Variants in CLNK observed in about 807,000 individuals in gnomAD.
The protein encoded by CLNK is cytokine dependent hematopoietic cell linker, also known as cytokine-dependent hematopoietic cell linker.
Under a neutral mutation model 68.6 loss-of-function variants are expected in CLNK, and 74 were observed. The observed-to-expected ratio is 1.08, with a 90% CI of 0.89 to 1.31. The LOEUF is 1.31. Ranked by LOEUF, CLNK falls within the 50% of genes most tolerant of loss-of-function variation. CLNK has a pLI of 0.00. For synonymous variants in CLNK, 198 were observed against 172.2 expected (o/e 1.15, Z -1.17); for missense variants, 553 against 515.3 (o/e 1.07, Z -0.71).
At chr4:10,629,144 C>T (rs61796791) in intron 2 of CLNK, among the ~76,000 whole-genome samples, 6,259 of 152,274 alleles carry the variant, frequency 0.041, 189 homozygotes, top group Middle Eastern at 0.099. Flanking sequence ...AACTTCTGCG[C>T]CTCATTGAGG....
chr4:10,565,521 C>T (rs1720072137), intron 6 of CLNK, among the ~76,000 whole-genome samples: 1 of 152,214 alleles, frequency 6.6e-6, no homozygotes. Context: ...GCTTTGCTGC[C>T]ATGCCCTGCT....
At chr4:10,503,772 CTTTTTTTTT>C (rs869102696) in intron 17 of CLNK, among the ~76,000 whole-genome samples, 5 of 63,288 alleles carry the variant, frequency 7.9e-5, no homozygotes, top group South Asian at 1.1e-3. Flanking sequence ...CATTTAGAGA[CTTTTTTTTT>C]TTTTTTTTTT....
At chr4:10,572,308 C>A (rs139719221) in intron 4 of CLNK, among the ~76,000 whole-genome samples, 1 of 152,224 alleles carries the variant, frequency 6.6e-6, no homozygotes, top group South Asian at 2.1e-4. Flanking sequence ...CCGTATTGAA[C>A]AATTGAGTTA....
At chr4:10,624,514 G>A (rs1722587054) in intron 2 of CLNK, among the ~76,000 whole-genome samples, 1 of 150,830 alleles carries the variant, frequency 6.6e-6, no homozygotes, top group South Asian at 2.1e-4. Context: ...GGATGGTCTC[G>A]ATCTCCTGAC....
intron 2 of CLNK, among the ~76,000 whole-genome samples, chr4:10,631,972 G>A (rs370055836): frequency 3.9e-5 from 6 of 152,142 alleles, no homozygotes; most frequent in South Asian, 2.1e-4. Flanking sequence ...CTCAAGGTGC[G>A]CATTACCTGA....
chr4:10,489,116 G>A lies in CLNK; in HGVS notation c.*1351C>T, dbSNP rs955465943. 9 of 151,532 alleles carry A rather than the reference G, an allele frequency of 5.9e-5. No individual in the cohort carries two copies. The highest frequency in any genetic ancestry group is 2.2e-4 in the African/African-American group (9 of 41,166). The allele number at this position is 151,532 out of a possible 1,614,324, so 9.4% of individuals were successfully genotyped here. A position where few individuals can be genotyped will look rare whatever the true frequency, so the allele number is the denominator to read the frequency against. ...CAACTTGATTGTAAAATGTCACAGC[G>A]CAGAGAATGTACCTGGGAAGATGAG... is the stretch of plus-strand genomic sequence containing the variant. On this transcript the variant is annotated 3_prime_UTR_variant, in exon 19 of 19. Coordinates refer to ENST00000226951, the MANE Select transcript of CLNK (RefSeq NM_052964.4).
At chr4:10,589,848 G>T (rs1470785299) in intron 3 of CLNK, among the ~76,000 whole-genome samples, 21 of 152,216 alleles carry the variant, frequency 1.4e-4, no homozygotes, top group African/African-American at 5.1e-4. Flanking sequence ...CTCTATCTGT[G>T]CTCAAGCAAG....
At chr4:10,651,948 A>G (rs1184845583) in intron 2 of CLNK, among the ~76,000 whole-genome samples, 1 of 151,918 alleles carries the variant, frequency 6.6e-6, no homozygotes, top group Non-Finnish European at 1.5e-5. Flanking sequence ...AGAAAAATAC[A>G]CATACATATA....
chr4:10,538,033 T>C (rs1718867677), intron 11 of CLNK, among the ~76,000 whole-genome samples: 2 of 152,176 alleles, frequency 1.3e-5, no homozygotes, highest in South Asian at 4.1e-4. Flanking sequence ...ATACTGTTCT[T>C]TCCAGCATGA....
At chr4:10,702,392 GA>G in the CLNK span, among the ~76,000 whole-genome samples, 6 of 152,164 alleles carry the variant, frequency 3.9e-5, no homozygotes, top group South Asian at 2.1e-4. Flanking sequence ...TGGGCTGAAG[GA>G]AACACCTAAG....
chr4:10,581,169 G>A (rs555888830), intron 4 of CLNK, among the ~76,000 whole-genome samples: 7 of 152,136 alleles, frequency 4.6e-5, no homozygotes, highest in Non-Finnish European at 1.0e-4. Flanking sequence ...AATAGACCAT[G>A]CTATATGGCC....
At chr4:10,613,155 G>C (rs1722097253) in intron 2 of CLNK, among the ~76,000 whole-genome samples, 1 of 152,136 alleles carries the variant, frequency 6.6e-6, no homozygotes, top group Admixed American at 6.5e-5. Flanking sequence ...AACAATAACA[G>C]TAAACAGAAT....
intron 11 of CLNK, among the ~76,000 whole-genome samples, chr4:10,537,684 TTCCTTC>T (rs1560206916): frequency 5.1e-5 from 3 of 58,964 alleles, no homozygotes; most frequent in African/African-American, 6.6e-5. Context: ...TCTTTCTTCC[TTCCTTC>T]CTTCCTTCCT....
intron 4 of CLNK, among the ~76,000 whole-genome samples, chr4:10,576,570 T>A (rs1720572592): frequency 6.6e-6 from 1 of 152,238 alleles, no homozygotes; most frequent in Non-Finnish European, 1.5e-5. Flanking sequence ...ACTCCAGCCC[T>A]GTGGCTGTCC....
At chr4:10,600,733 G>A (rs1353126255) in intron 2 of CLNK, among the ~76,000 whole-genome samples, 1 of 152,210 alleles carries the variant, frequency 6.6e-6, no homozygotes, top group African/African-American at 2.4e-5. Context: ...AGCGAGCCAT[G>A]TAGTTAACTG....
At chr4:10,496,304 G>A (rs1450138706) in intron 18 of CLNK, among the ~76,000 whole-genome samples, 1 of 152,186 alleles carries the variant, frequency 6.6e-6, no homozygotes, top group African/African-American at 2.4e-5. Flanking sequence ...ATTGAACCGT[G>A]GCTAAAGTAG....
chr4:10,590,827 T>TACA (rs1339768834), intron 3 of CLNK, among the ~76,000 whole-genome samples: 1 of 152,160 alleles, frequency 6.6e-6, no homozygotes, highest in Admixed American at 6.5e-5. Flanking sequence ...CTGAGCACTG[T>TACA]ACAAAAATGA....
chr4:10,564,340 T>C (rs1043994980), intron 7 of CLNK, among the ~76,000 whole-genome samples: 3 of 152,220 alleles, frequency 2.0e-5, no homozygotes, highest in African/African-American at 7.2e-5. Flanking sequence ...CAAAATCTTA[T>C]ATTATGATCA....
intron 8 of CLNK, among the ~76,000 whole-genome samples, chr4:10,551,668 T>C (rs150649575): frequency 0.012 from 1,850 of 152,266 alleles, 34 homozygotes; most frequent in African/African-American, 0.042. Context: ...ATAAGTATAA[T>C]GTTCTGTTCA....
Sources: gnomAD v4.1 joint callset for allele counts (sites outside exome capture counted in the v4.1 genomes callset) on GRCh38, gnomAD v4.1.1 for gene constraint, MANE v1.5 for transcripts, NCBI Gene and HGNC (gene_info 2026-07-23, HGNC 2026-07-21) for gene names.